The following SLC16A9 variants were observed in gnomAD, a reference collection of about 807,000 sequenced individuals.
SLC16A9 encodes solute carrier family 16 member 9, also known as monocarboxylate transporter 9.
In SLC16A9, 26 loss-of-function variants were observed where a neutral mutation model predicts 44.3. That is an observed-to-expected ratio of 0.59 (90% CI 0.43 to 0.81). The LOEUF (loss-of-function observed/expected upper bound fraction) is 0.81, where lower values mean the gene tolerates loss of function less well. Among genes scored for constraint, SLC16A9 ranks in the 40% least tolerant of loss-of-function variants. The pLI, the probability that SLC16A9 is intolerant of heterozygous loss-of-function variation, is 0.00. For synonymous variants in SLC16A9, 230 were observed against 225.1 expected (o/e 1.02, Z -0.19); for missense variants, 559 against 595.8 (o/e 0.94, Z 0.64).
intron 1 of SLC16A9, 76 bp from the exon 2 acceptor site, chr10:59,684,403 C>T: frequency 1.5e-6 from 1 of 672,420 alleles, no homozygotes; most frequent in Non-Finnish European, 2.3e-6. Context: ...AAAATATCTC[C>T]TCCTAAAGTG....
At chr10:59,689,072 A>G (rs1326988077) in intron 1 of SLC16A9, among the ~76,000 whole-genome samples, 3 of 152,178 alleles carry the variant, frequency 2.0e-5, no homozygotes, top group Non-Finnish European at 4.4e-5. Context: ...TTGGAAATAC[A>G]AAGTTCCCAT....
At chr10:59,687,062 C>T (rs1227384878) in intron 1 of SLC16A9, among the ~76,000 whole-genome samples, 1 of 152,172 alleles carries the variant, frequency 6.6e-6, no homozygotes, top group Non-Finnish European at 1.5e-5. Context: ...CACCACCATG[C>T]CCAGCTAATT....
At chr10:59,705,108 C>T (rs1840609647) in intron 1 of SLC16A9, among the ~76,000 whole-genome samples, 1 of 152,066 alleles carries the variant, frequency 6.6e-6, no homozygotes, top group Non-Finnish European at 1.5e-5. Context: ...GTCCCACATC[C>T]TGTCTCTTCT....
At chr10:59,654,696 C>G in intron 4 of SLC16A9, 107 bp from the exon 5 acceptor site, 1 of 827,192 alleles carries the variant, frequency 1.2e-6, no homozygotes, top group Non-Finnish European at 1.8e-6. Context: ...TTATATGTAA[C>G]TTCATATTAA....
rs1840081931 is a variant in SLC16A9 at position 59,684,184 on chromosome 10, C to T, written c.108G>A (p.Leu36=). ...CYGSPLAVGV[L]YIEWLDAFGE... ...CAAAGGCATCCAGCCATTCTATGTA[C>T]AGGACTCCAACAGCTAGTGGGGATC... Residue 36 remains leucine (L), a synonymous_variant, in exon 2 of 6, where the codon CTG becomes CTA. Coordinates refer to ENST00000395348, the MANE Select transcript of SLC16A9 (RefSeq NM_194298.3). 6.2e-7 allele frequency: 1 copy of T among 1,614,056 alleles called. No individual in the cohort carries two copies. Among genetic ancestry groups the T allele is most frequent in the Non-Finnish European group, 8.5e-7 (1 of 1,179,988 alleles).
chr10:59,684,464 A>T (rs1840090516), intron 1 of SLC16A9, 137 bp from the exon 2 acceptor site: 1 of 468,290 alleles, frequency 2.1e-6, no homozygotes, highest in Admixed American at 3.7e-5. Context: ...ATAAAATATC[A>T]CTGACATAGC....
In SLC16A9 at chr10:59,654,391, G is replaced by C. The variant is rs559499490; in HGVS notation, c.635C>G (p.Ser212Cys). 6.2e-7 allele frequency: 1 copy of C among 1,613,696 alleles called. No homozygotes were observed. The highest frequency in any genetic ancestry group is 1.3e-5 in the African/African-American group (1 of 75,002). ...ATTCTTTCCTTTTTCATTGTAAATG[G>C]AGTATTTATCTGGTAGATCTTCTGG... The part of the protein sequence containing the change: ...IAPEDLPDKY[S>C]IYNEKGKNLE... Residue 212 changes from serine to cysteine, a missense_variant, in exon 5 of 6, where the codon TCC becomes TGC. By Grantham distance (112) the Ser-to-Cys change is moderately radical (BLOSUM62 -1). Coordinates refer to ENST00000395348, the MANE Select transcript of SLC16A9 (RefSeq NM_194298.3).
intron 2 of SLC16A9, among the ~76,000 whole-genome samples, chr10:59,678,546 C>CTTTTTTTTCTTTTTTTTTTTTTTTT (rs751112027): frequency 3.3e-4 from 10 of 30,594 alleles, no homozygotes; most frequent in Non-Finnish European, 5.6e-4. Context: ...TTTTCTTTTT[C>CTTTTTTTTCTTTTTTTTTTTTTTTT]TTTTTTTTGA....
At chr10:59,677,211 C>T (rs1839879731) in intron 2 of SLC16A9, among the ~76,000 whole-genome samples, 2 of 151,782 alleles carry the variant, frequency 1.3e-5, no homozygotes, top group East Asian at 1.9e-4. Context: ...TGTTTAGAAG[C>T]CACTATTGCC....
At chr10:59,662,847 TTCAA>T (rs1223655436) in intron 4 of SLC16A9, among the ~76,000 whole-genome samples, 1 of 152,108 alleles carries the variant, frequency 6.6e-6, no homozygotes, top group Admixed American at 6.6e-5. Context: ...GCTTTTACAC[TTCAA>T]TCATTGTGGA....
chr10:59,678,546 C>CTTTTTTTTTTTTTTTTTT lies in SLC16A9; in HGVS notation c.196+5549_196+5550insAAAAAAAAAAAAAAAAAA, dbSNP rs751112027. On this transcript the variant is annotated intron_variant, in intron 2 of 5. Transcript: ENST00000395348. ...ATCTTTTTTTTTTCTTTTTCTTTTT[C>CTTTTTTTTTTTTTTTTTT]TTTTTTTTGAGACGGAGTCTCGCTC... Among the ~76,000 whole-genome samples, 189 of 30,590 alleles carry CTTTTTTTTTTTTTTTTTT rather than the reference C, an allele frequency of 6.2e-3. 48 individuals are homozygous for CTTTTTTTTTTTTTTTTTT. The highest frequency in any genetic ancestry group is 0.016 in the African/African-American group (178 of 11,254). 20.1% of individuals were successfully genotyped at this position (30,590 alleles called of 152,430 possible).
At chr10:59,658,343 G>C (rs995094053) in intron 4 of SLC16A9, among the ~76,000 whole-genome samples, 1 of 74,908 alleles carries the variant, frequency 1.3e-5, no homozygotes, top group African/African-American at 2.9e-5. Flanking sequence ...AGACTCTCAT[G>C]GGACTCTGTC....
At chr10:59,694,079 A>C (rs1264646538) in intron 1 of SLC16A9, among the ~76,000 whole-genome samples, 1 of 151,990 alleles carries the variant, frequency 6.6e-6, no homozygotes, top group Non-Finnish European at 1.5e-5. Context: ...CTGGGACTAC[A>C]GGCGCCCGCC....
chr10:59,683,513 T>C (rs938270217), intron 2 of SLC16A9, among the ~76,000 whole-genome samples: 3 of 152,240 alleles, frequency 2.0e-5, no homozygotes, highest in African/African-American at 7.2e-5. Context: ...GATTTTAATT[T>C]TGTGATTGGA....
intron 3 of SLC16A9, among the ~76,000 whole-genome samples, chr10:59,667,254 C>G (rs534787499): frequency 9.9e-5 from 15 of 152,210 alleles, no homozygotes; most frequent in African/African-American, 2.9e-4. Context: ...CTATAATTAC[C>G]TGAAAAGACT....
At position 59,697,441 on chromosome 10, in the gene SLC16A9, C is replaced by A. The variant is rs532608454; in HGVS notation, c.-37+12038G>T. ...TTGATCTGTGACCTTACCCCCAACC[C>A]TGTGCTCTCTGAAACATGTGCTGTG... On this transcript the variant is annotated intron_variant, in intron 1 of 5. Transcript: ENST00000395348. 3.0e-3 allele frequency among the ~76,000 whole-genome samples: 457 copies of A among 151,898 alleles called. 2 individuals are homozygous for A. Among genetic ancestry groups the A allele is most frequent in the African/African-American group, 9.9e-3 (412 of 41,508 alleles).
At chr10:59,669,864 T>A (rs1839706551) in intron 3 of SLC16A9, among the ~76,000 whole-genome samples, 1 of 152,114 alleles carries the variant, frequency 6.6e-6, no homozygotes, top group Non-Finnish European at 1.5e-5. Flanking sequence ...TATACTGATA[T>A]GGTATCAAGT....
intron 4 of SLC16A9, among the ~76,000 whole-genome samples, chr10:59,655,088 G>A (rs1438875797): frequency 1.3e-5 from 2 of 152,048 alleles, no homozygotes; most frequent in Non-Finnish European, 1.5e-5. Context: ...TCAGGAGTTC[G>A]AGACCATCCT....
At chr10:59,682,921 T>C (rs1448139689) in intron 2 of SLC16A9, among the ~76,000 whole-genome samples, 1 of 152,162 alleles carries the variant, frequency 6.6e-6, no homozygotes, top group African/African-American at 2.4e-5. Flanking sequence ...TTATCTGACA[T>C]AGCAAGATGA....
Sources: gnomAD v4.1 joint callset for allele counts (sites outside exome capture counted in the v4.1 genomes callset) on GRCh38, gnomAD v4.1.1 for gene constraint, MANE v1.5 for transcripts, NCBI Gene and HGNC (gene_info 2026-07-23, HGNC 2026-07-21) for gene names.